The following GHR variants were observed in gnomAD, a reference collection of about 807,000 sequenced individuals.
The protein encoded by GHR is growth hormone receptor.
GHR carries 35 observed loss-of-function variants against 67.1 expected under a neutral mutation model. The ratio of observed to expected loss-of-function variants is 0.52; its 90% CI spans 0.40 to 0.69. The LOEUF is 0.69. GHR is among the 30% of genes least tolerant of loss of function. GHR has a pLI of 0.00. For missense variants in GHR, 792 were observed against 764.6 expected (o/e 1.04, Z -0.42); for synonymous variants, 272 against 269.1 (o/e 1.01, Z -0.10).
At chr5:42,641,161 A>C (rs1480957990) in intron 3 of GHR, among the ~76,000 whole-genome samples, 2 of 134,388 alleles carry the variant, frequency 1.5e-5, no homozygotes, top group Admixed American at 1.4e-4. Context: ...CTTAGGTACA[A>C]AAAAGATGAG....
At chr5:42,579,145 G>GAT (rs1320143277) in intron 2 of GHR, among the ~76,000 whole-genome samples, 815 of 44,540 alleles carry the variant, frequency 0.018, 7 homozygotes, top group Non-Finnish European at 0.024. Flanking sequence ...ATAGATGATA[G>GAT]ATAGATATAG....
intron 2 of GHR, among the ~76,000 whole-genome samples, chr5:42,571,714 A>G (rs893314101): frequency 1.3e-5 from 2 of 152,200 alleles, no homozygotes; most frequent in African/African-American, 4.8e-5. Context: ...CCAGTGATAG[A>G]GTATATTTCT....
intron 1 of GHR, among the ~76,000 whole-genome samples, chr5:42,458,562 G>A (rs114087563): frequency 6.0e-4 from 92 of 152,250 alleles, no homozygotes; most frequent in African/African-American, 2.2e-3. Flanking sequence ...TCTCGACATA[G>A]GACCTGGCAA....
At chr5:42,690,528 C>A (rs111276148) in intron 4 of GHR, among the ~76,000 whole-genome samples, 1,822 of 152,142 alleles carry the variant, frequency 0.012, 35 homozygotes, top group African/African-American at 0.042. Context: ...AAATCCAGTT[C>A]CTGGACTATA....
At chr5:42,559,799 C>T (rs1749503325) in intron 1 of GHR, among the ~76,000 whole-genome samples, 2 of 152,112 alleles carry the variant, frequency 1.3e-5, no homozygotes, top group Admixed American at 1.3e-4. Flanking sequence ...TGGATCTGAC[C>T]ATTTTCCAAA....
chr5:42,540,663 C>T (rs1047915617), intron 1 of GHR, among the ~76,000 whole-genome samples: 14 of 152,076 alleles, frequency 9.2e-5, no homozygotes, highest in South Asian at 2.1e-4. Flanking sequence ...AGTGTGAGTC[C>T]GCCCCTGTCC....
In GHR at chr5:42,719,401, C is replaced by G. The variant is rs753011219; in HGVS notation, c.1894C>G (p.Gln632Glu). Residue 632 changes from glutamine to glutamate, a missense_variant, in exon 10 of 10, where the codon CAA becomes GAA. Physicochemically the swap from Gln to Glu is conservative, Grantham distance 29. Coordinates refer to ENST00000230882, the MANE Select transcript of GHR (RefSeq NM_000163.5). Reference protein sequence around the residue: ...LSSCGYVSTDQLNKIMP With the variant: ...LSSCGYVSTDELNKIMP ...ATCATGTGGCTATGTGAGCACAGAC[C>G]AACTGAACAAAATCATGCCTTAGCC... is the stretch of plus-strand genomic sequence containing the variant. 3 of 1,613,510 alleles carry G rather than the reference C, an allele frequency of 1.9e-6. No homozygotes were observed. The highest frequency in any genetic ancestry group is 2.5e-6 in the Non-Finnish European group (3 of 1,179,894).
At chr5:42,425,768 A>G (rs572469777) in intron 1 of GHR, among the ~76,000 whole-genome samples, 1 of 152,160 alleles carries the variant, frequency 6.6e-6, no homozygotes, top group East Asian at 1.9e-4. Flanking sequence ...ACCCTTATAA[A>G]CTTTTTGTTT....
chr5:42,695,239 G>A (rs893579053), intron 5 of GHR, 150 bp downstream of exon 5: 5 of 685,866 alleles, frequency 7.3e-6, no homozygotes, highest in Non-Finnish European at 1.3e-5. Context: ...GGGATCAGCT[G>A]GTGAACAAGA....
intron 1 of GHR, among the ~76,000 whole-genome samples, chr5:42,556,859 T>C (rs1749338428): frequency 1.3e-5 from 2 of 152,212 alleles, no homozygotes; most frequent in Non-Finnish European, 2.9e-5. Context: ...TGCATACCAA[T>C]ATCGGAGTAT....
intron 1 of GHR, among the ~76,000 whole-genome samples, chr5:42,534,230 GTATA>G (rs1190101966): frequency 8.4e-6 from 1 of 118,652 alleles, no homozygotes; most frequent in Non-Finnish European, 1.7e-5. Flanking sequence ...ATGTACATGT[GTATA>G]TGTGTATATA....
At chr5:42,530,057 T>G (rs2112336420) in intron 1 of GHR, among the ~76,000 whole-genome samples, 1 of 150,924 alleles carries the variant, frequency 6.6e-6, no homozygotes, top group Non-Finnish European at 1.5e-5. Flanking sequence ...CCAGCTTTAT[T>G]TAGGTATGAT....
chr5:42,641,870 C>T (rs965272060), intron 3 of GHR, among the ~76,000 whole-genome samples: 1 of 152,086 alleles, frequency 6.6e-6, no homozygotes. Context: ...TCCTGCAAAC[C>T]TCTGCTTCTT....
At chr5:42,564,844 C>T (rs1749835315) in intron 1 of GHR, among the ~76,000 whole-genome samples, 1 of 152,112 alleles carries the variant, frequency 6.6e-6, no homozygotes. Context: ...TGATAAGTCT[C>T]TGAGTAACTT....
intron 1 of GHR, among the ~76,000 whole-genome samples, chr5:42,533,807 T>A (rs1402332353): frequency 1.3e-5 from 2 of 151,822 alleles, no homozygotes; most frequent in African/African-American, 2.4e-5. Context: ...ACCATATTTG[T>A]TTTCTTTTAT....
chr5:42,713,257 A>G (rs913029605), intron 7 of GHR, among the ~76,000 whole-genome samples, 172 bp from the exon 8 acceptor site: 1 of 152,176 alleles, frequency 6.6e-6, no homozygotes, highest in Non-Finnish European at 1.5e-5. Context: ...AGATGTTCAT[A>G]AAACAGAAAA....
intron 1 of GHR, among the ~76,000 whole-genome samples, chr5:42,439,634 G>A (rs1410878138): frequency 6.6e-6 from 1 of 152,148 alleles, no homozygotes; most frequent in Non-Finnish European, 1.5e-5. Flanking sequence ...TATTAGTGTT[G>A]GTTTGGGTAC....
chr5:42,483,907 C>T (rs1007292429), intron 1 of GHR, among the ~76,000 whole-genome samples: 5 of 152,184 alleles, frequency 3.3e-5, no homozygotes, highest in Non-Finnish European at 5.9e-5. Flanking sequence ...GGGCTGTGTT[C>T]CAGGGCTAGC....
chr5:42,538,250 A>T (rs1748348865), intron 1 of GHR, among the ~76,000 whole-genome samples: 1 of 151,916 alleles, frequency 6.6e-6, no homozygotes, highest in South Asian at 2.1e-4. Flanking sequence ...TTGGTTTTTA[A>T]CTTGTATTTT....
Sources: allele counts gnomAD v4.1 joint callset (sites outside exome capture counted in the v4.1 genomes callset), GRCh38; gene constraint gnomAD v4.1.1; transcripts MANE v1.5; gene names NCBI Gene and HGNC (gene_info 2026-07-23, HGNC 2026-07-21).